Variants in NHSL1 observed in about 807,000 individuals in gnomAD.
NHSL1 encodes the protein NHS like 1, also known as NHS-like protein 1.
A neutral mutation model predicts 95.0 loss-of-function variants in NHSL1; 48 were observed. The ratio of observed to expected loss-of-function variants is 0.51; its 90% CI spans 0.40 to 0.64. The LOEUF is 0.64. Ranked by LOEUF, NHSL1 falls within the 30% of genes least tolerant of loss-of-function variation. NHSL1 has a pLI of 0.00. For synonymous variants in NHSL1, 783 were observed against 833.9 expected (o/e 0.94, Z 1.05); for missense variants, 1,971 against 2,077.7 (o/e 0.95, Z 1.00).
chr6:138,498,416 G>A (rs1274169005), intron 1 of NHSL1, among the ~76,000 whole-genome samples: 1 of 152,154 alleles, frequency 6.6e-6, no homozygotes, highest in Admixed American at 6.6e-5. Context: ...GCAGCCTTTA[G>A]CAAGGAGCTG....
intron 1 of NHSL1, among the ~76,000 whole-genome samples, chr6:138,641,154 T>G (rs1583462540): frequency 6.6e-6 from 1 of 152,212 alleles, no homozygotes; most frequent in Non-Finnish European, 1.5e-5. Context: ...AATACAAAAA[T>G]TAGCCAGGCG....
intron 1 of NHSL1, among the ~76,000 whole-genome samples, chr6:138,524,596 G>A (rs1781823284): frequency 6.6e-6 from 1 of 151,946 alleles, no homozygotes; most frequent in Non-Finnish European, 1.5e-5. Context: ...TGGACATTTA[G>A]TGTTTTTTTT....
exon 1 of NHSL1, chr6:138,571,929 C>T: frequency 6.5e-7 from 1 of 1,549,840 alleles, no homozygotes; most frequent in African/African-American, 1.4e-5. Flanking sequence ...TCAAAATCAA[C>T]TAGAGACAAA....
chr6:138,561,964 T>C (rs1031414143), intron 1 of NHSL1, among the ~76,000 whole-genome samples: 3 of 152,214 alleles, frequency 2.0e-5, no homozygotes, highest in Non-Finnish European at 4.4e-5. Flanking sequence ...TATCTACTAG[T>C]CAGTCATCAA....
chr6:138,554,282 C>G (rs755691505), intron 1 of NHSL1, among the ~76,000 whole-genome samples: 1 of 152,200 alleles, frequency 6.6e-6, no homozygotes, highest in Non-Finnish European at 1.5e-5. Flanking sequence ...GATAAACTGA[C>G]TTGCAATGTA....
chr6:138,678,093 A>G (rs1785471071), intron 1 of NHSL1, among the ~76,000 whole-genome samples: 1 of 152,234 alleles, frequency 6.6e-6, no homozygotes, highest in Admixed American at 6.5e-5. Context: ...TATTAGCAGG[A>G]AAATTCAGCA....
chr6:138,647,104 A>G (rs1785030090), intron 1 of NHSL1, among the ~76,000 whole-genome samples: 1 of 152,164 alleles, frequency 6.6e-6, no homozygotes, highest in Non-Finnish European at 1.5e-5. Flanking sequence ...TTTCTGTACT[A>G]ATCTCCCAAA....
At chr6:138,483,837 G>T (rs1275561299) in intron 2 of NHSL1, among the ~76,000 whole-genome samples, 2 of 152,300 alleles carry the variant, frequency 1.3e-5, no homozygotes, top group South Asian at 2.1e-4. Flanking sequence ...TTCCTTAAAT[G>T]AATGAATGAT....
Position 138,640,656 on chromosome 6 carries a change from T to A in NHSL1, c.96+51820A>T, listed in dbSNP as rs1392030465. Among the ~76,000 whole-genome samples, 6 of 152,328 alleles carry A rather than the reference T, an allele frequency of 3.9e-5. No homozygotes were observed. In the South Asian group the frequency reaches 6.2e-4, roughly 16 times the overall value. On this transcript the variant is annotated intron_variant, in intron 1 of 3. Coordinates refer to the NHSL1 transcript ENST00000491526. ...ATACAGTATATATGTAACATGCAAA[T>A]CCGTGTCAATTGACTATGTAATTGG...
chr6:138,572,847 G>GTATATAGA (rs1554253745), upstream of NHSL1, among the ~76,000 whole-genome samples: 1 of 149,738 alleles, frequency 6.7e-6, no homozygotes, highest in Non-Finnish European at 1.5e-5. Context: ...GCTTAATACA[G>GTATATAGA]TAGATAGATA....
intron 1 of NHSL1, among the ~76,000 whole-genome samples, chr6:138,670,053 G>A (rs1785343990): frequency 6.6e-6 from 1 of 152,108 alleles, no homozygotes; most frequent in Non-Finnish European, 1.5e-5. Flanking sequence ...CCCAGGAGGT[G>A]GAGGTTGCAG....
At chr6:138,520,280 CTTTTTTTTTTTT>C (rs397888767) in intron 1 of NHSL1, among the ~76,000 whole-genome samples, 1 of 80,928 alleles carries the variant, frequency 1.2e-5, no homozygotes, top group African/African-American at 4.6e-5. Context: ...TAGTTTAATT[CTTTTTTTTTTTT>C]TTTTTTTTTT....
At chr6:138,569,245 ATGTGTGTGTG>A (rs58789555) in intron 1 of NHSL1, among the ~76,000 whole-genome samples, 2 of 147,402 alleles carry the variant, frequency 1.4e-5, no homozygotes, top group East Asian at 2.0e-4. Flanking sequence ...TTGTGTGTAT[ATGTGTGTGTG>A]TGTGTGTGTG....
chr6:138,564,588 G>A (rs28672214), intron 1 of NHSL1, among the ~76,000 whole-genome samples: 8,939 of 151,842 alleles, frequency 0.059, 869 homozygotes, highest in African/African-American at 0.2. Context: ...CCATTTAATC[G>A]AGTCCCAGAT....
chr6:138,431,633 A>T lies in NHSL1; in HGVS notation c.2712T>A (p.Ser904=). ...CTTCAGTAGAAGTACTAGAAGAAAG[A>T]GAAGTGGACGATGAGGAAATGGATA... The part of the protein sequence containing the change: ...SSVSISSSST[S]LSSSTSTEGS... The change falls in exon 6 of 8, where the codon TCT becomes TCA. Residue 904 remains serine (S), a synonymous_variant. Coordinates refer to ENST00000343505, the MANE Select transcript of NHSL1 (RefSeq NM_001144060.2). The surrounding 1 kb of genome is among the most constrained non-coding windows in gnomAD (Gnocchi z 4.0). 1.3e-5 allele frequency: 20 copies of T among 1,551,642 alleles called. No individual in the cohort carries two copies. The highest frequency in any genetic ancestry group is 1.7e-5 in the Non-Finnish European group (20 of 1,146,910).
intron 1 of NHSL1, among the ~76,000 whole-genome samples, chr6:138,657,834 A>G (rs1410899300): frequency 6.7e-6 from 1 of 148,572 alleles, no homozygotes; most frequent in East Asian, 1.9e-4. Context: ...AAAAAAAAAA[A>G]AAGAAAGAAA....
rs769593308 is a variant in NHSL1, at chr6:138,692,131, T to TC, written c.96+344dup. 2.2e-6 allele frequency: 1 copy of TC among 446,494 alleles called. No homozygotes were observed. Among genetic ancestry groups the TC allele is most frequent in the Non-Finnish European group, 4.4e-6 (1 of 226,196 alleles). The allele number at this position is 446,494 out of a possible 1,614,324, so 27.7% of individuals were successfully genotyped here. A position where few individuals can be genotyped will look rare whatever the true frequency, so the allele number is the denominator to read the frequency against. On this transcript the variant is annotated intron_variant, in intron 1 of 3. Transcript: ENST00000491526. This position sits in a 1 kb window ranked among gnomAD's most constrained non-coding sequence, Gnocchi z 4.0. Reference sequence around the variant, plus strand: ...ACAGGCTACCTGCCTGTGACAGTTTTCCCACGAACTTGGCTCTCCTCTGTC... The same window carrying TC: ...ACAGGCTACCTGCCTGTGACAGTTTTCCCCACGAACTTGGCTCTCCTCTGTC...
intron 7 of NHSL1, among the ~76,000 whole-genome samples, chr6:138,428,496 G>C (rs1194934833): frequency 6.6e-6 from 1 of 152,172 alleles, no homozygotes; most frequent in Non-Finnish European, 1.5e-5. Flanking sequence ...TGAGACTGAA[G>C]AAACCAGTCC....
chr6:138,584,987 C>G (rs1784111919), intron 1 of NHSL1, among the ~76,000 whole-genome samples: 1 of 152,188 alleles, frequency 6.6e-6, no homozygotes, highest in South Asian at 2.1e-4. Flanking sequence ...CTGTACTCAC[C>G]CTTGGCTCTC....
Sources: allele counts gnomAD v4.1 joint callset (sites outside exome capture counted in the v4.1 genomes callset), GRCh38; gene constraint gnomAD v4.1.1; non-coding constraint Gnocchi (gnomAD v3.1); transcripts MANE v1.5; gene names NCBI Gene and HGNC (gene_info 2026-07-23, HGNC 2026-07-21).